The following PAX5 variants were observed in gnomAD, a reference collection of about 807,000 sequenced individuals.
PAX5 encodes the protein paired box protein Pax-5.
PAX5 carries 9 observed loss-of-function variants against 43.7 expected under a neutral mutation model. That is an observed-to-expected ratio of 0.21 (90% CI 0.12 to 0.36). PAX5 has a LOEUF of 0.36. Ranked by LOEUF, PAX5 falls within the 10% of genes least tolerant of loss-of-function variation. The pLI, the probability that PAX5 is intolerant of heterozygous loss-of-function variation, is 1.00. For missense variants in PAX5, 383 were observed against 532.7 expected, an observed-to-expected ratio of 0.72 and a Z score of 2.77; for synonymous variants, 228 against 214.3, an observed-to-expected ratio of 1.06 and a Z score of -0.56.
At chr9:36,895,102 C>A (rs10814467) in intron 7 of PAX5, among the ~76,000 whole-genome samples, 1 of 152,230 alleles carries the variant, frequency 6.6e-6, no homozygotes, top group Admixed American at 6.5e-5. Context: ...CACCTCCCTA[C>A]CACACGCTTT....
intron 7 of PAX5, among the ~76,000 whole-genome samples, chr9:36,892,825 G>A (rs1324593488): frequency 6.6e-6 from 1 of 152,222 alleles, no homozygotes; most frequent in Non-Finnish European, 1.5e-5. Context: ...AAATTGTGGA[G>A]CGATCTCCAA....
chr9:36,887,531 C>T (rs1266411016), intron 7 of PAX5, among the ~76,000 whole-genome samples: 1 of 152,108 alleles, frequency 6.6e-6, no homozygotes, highest in Non-Finnish European at 1.5e-5. Context: ...AAAAATAAAA[C>T]TCTACAAGTA....
intron 7 of PAX5, among the ~76,000 whole-genome samples, chr9:36,907,525 C>G (rs1376310078): frequency 6.6e-6 from 1 of 152,194 alleles, no homozygotes; most frequent in Admixed American, 6.5e-5. Context: ...CTGTCTGAAG[C>G]CCCGTGTATC....
intron 8 of PAX5, among the ~76,000 whole-genome samples, chr9:36,861,754 G>A (rs1263316360): frequency 6.6e-6 from 1 of 151,904 alleles, no homozygotes; most frequent in Non-Finnish European, 1.5e-5. Flanking sequence ...AGAAGGCCAG[G>A]GAGGGAAGTG....
intron 7 of PAX5, among the ~76,000 whole-genome samples, chr9:36,911,517 C>T (rs1465247442): frequency 2.6e-5 from 4 of 152,214 alleles, no homozygotes; most frequent in Non-Finnish European, 5.9e-5. Context: ...AGGACGGCCC[C>T]GTGGCCGACA....
intron 6 of PAX5, among the ~76,000 whole-genome samples, chr9:36,939,791 G>C (rs952052996): frequency 6.6e-6 from 1 of 152,148 alleles, no homozygotes; most frequent in African/African-American, 2.4e-5. Context: ...GAGAGAGAGG[G>C]AGAGAGAGAA....
At chr9:36,979,903 G>A (rs150903453) in intron 5 of PAX5, among the ~76,000 whole-genome samples, 4 of 152,310 alleles carry the variant, frequency 2.6e-5, no homozygotes, top group South Asian at 2.1e-4. Flanking sequence ...CTGAGGCCCA[G>A]AAGGCAATAA....
intron 8 of PAX5, among the ~76,000 whole-genome samples, chr9:36,854,947 C>T (rs1823519520): frequency 6.6e-6 from 1 of 152,248 alleles, no homozygotes; most frequent in Non-Finnish European, 1.5e-5. Flanking sequence ...CCCAGGGAGC[C>T]TGGCGTGGAG....
chr9:37,007,749 G>C (rs749618550), intron 3 of PAX5: 1 of 152,240 alleles, frequency 6.6e-6, no homozygotes, highest in Admixed American at 6.5e-5. Flanking sequence ...GTATGGGAAA[G>C]TATAAAGAAG....
At chr9:36,995,711 T>C (rs1038934005) in intron 5 of PAX5, among the ~76,000 whole-genome samples, 1 of 152,180 alleles carries the variant, frequency 6.6e-6, no homozygotes, top group Admixed American at 6.5e-5. Flanking sequence ...TGTTTTCCCA[T>C]GCGAATGACG....
chr9:37,002,951 G>A (rs1838035706), intron 4 of PAX5, 175 bp from the exon 5 acceptor site: 2 of 700,648 alleles, frequency 2.9e-6, no homozygotes, highest in Non-Finnish European at 4.5e-6. Flanking sequence ...CGCAGGCCTC[G>A]GGCGGGCCGT....
In PAX5 at chr9:36,838,291, A is replaced by G. The variant is rs1821784980; in HGVS notation, c.*2269T>C. ...TTCTTACAGACTGATTGTCTAGGGC[A>G]TGGGGCCCAGAACCATCTCTCACTG... On this transcript the variant is annotated 3_prime_UTR_variant, in exon 10 of 10. Coordinates refer to ENST00000358127, the MANE Select transcript of PAX5 (RefSeq NM_016734.3). The G allele has an allele frequency of 4.3e-6, 1 of 232,316 alleles. No homozygotes were observed. The highest frequency in any genetic ancestry group is 2.2e-5 in the African/African-American group (1 of 45,354). The allele number at this position is 232,316 out of a possible 1,614,324, so 14.4% of individuals were successfully genotyped here.
intron 7 of PAX5, among the ~76,000 whole-genome samples, chr9:36,898,473 C>A (rs1188187746): frequency 6.6e-6 from 1 of 152,136 alleles, no homozygotes; most frequent in Non-Finnish European, 1.5e-5. Context: ...GCCCCAGAAC[C>A]CCAGCAACCC....
At chr9:36,899,872 C>G (rs1347162579) in intron 7 of PAX5, among the ~76,000 whole-genome samples, 1 of 152,210 alleles carries the variant, frequency 6.6e-6, no homozygotes, top group African/African-American at 2.4e-5. Context: ...CCAGTGCAAC[C>G]ATTTCGTCCT....
intron 6 of PAX5, among the ~76,000 whole-genome samples, chr9:36,944,087 C>T (rs888693950): frequency 9.9e-5 from 15 of 152,090 alleles, no homozygotes; most frequent in Admixed American, 7.9e-4. Flanking sequence ...AGAAGGCTGA[C>T]GCAGGAAGAT....
At chr9:36,955,306 T>G (rs10114593) in intron 6 of PAX5, among the ~76,000 whole-genome samples, 15,798 of 152,228 alleles carry the variant, frequency 0.1, 1,068 homozygotes, top group African/African-American at 0.19. Context: ...GTAGGCATGT[T>G]GTACATACTA....
intron 6 of PAX5, among the ~76,000 whole-genome samples, chr9:36,956,678 T>C (rs905165329): frequency 6.6e-6 from 1 of 152,230 alleles, no homozygotes; most frequent in Non-Finnish European, 1.5e-5. Context: ...CTCAACTGTT[T>C]AGAAAATATT....
intron 7 of PAX5, among the ~76,000 whole-genome samples, chr9:36,885,400 C>T (rs1245650949): frequency 6.6e-6 from 1 of 152,168 alleles, no homozygotes; most frequent in African/African-American, 2.4e-5. Flanking sequence ...CTTAGTCATT[C>T]TGAGCCTCGA....
intron 7 of PAX5, among the ~76,000 whole-genome samples, chr9:36,896,253 A>G (rs953341498): frequency 2.6e-5 from 4 of 152,004 alleles, no homozygotes; most frequent in African/African-American, 9.7e-5. Flanking sequence ...CGAATCCTAA[A>G]CCAGTGCCTC....
Sources: gnomAD v4.1 joint callset for allele counts (sites outside exome capture counted in the v4.1 genomes callset) on GRCh38, gnomAD v4.1.1 for gene constraint, MANE v1.5 for transcripts, NCBI Gene and HGNC (gene_info 2026-07-23, HGNC 2026-07-21) for gene names.